Variants in NRG1 observed in about 807,000 individuals in gnomAD.
The protein encoded by NRG1 is pro-neuregulin-1, membrane-bound isoform.
In NRG1, 18 loss-of-function variants were observed where a neutral mutation model predicts 63.8. That is an observed-to-expected ratio of 0.28 (90% confidence interval 0.19 to 0.42). The LOEUF is 0.42. Among genes scored for constraint, NRG1 ranks in the 10% least tolerant of loss-of-function variants. The pLI, the probability that NRG1 is intolerant of heterozygous loss-of-function variation, is 1.00. For synonymous variants in NRG1, 302 were observed against 301.3 expected, an observed-to-expected ratio of 1.00 and a Z score of -0.02; for missense variants, 762 against 814.7, an observed-to-expected ratio of 0.94 and a Z score of 0.79.
Position 31,935,084 on chromosome 8 carries a change from A to G in NRG1, c.37+295653A>G, listed in dbSNP as rs548054478. Among the ~76,000 whole-genome samples the G allele has an allele frequency of 7.2e-5, 11 of 152,078 alleles. No individual in the cohort carries two copies. In the South Asian group the frequency reaches 1.9e-3, roughly 26 times the overall value. On this transcript the variant is annotated intron_variant, in intron 1 of 10. Coordinates refer to the NRG1 transcript ENST00000519301. ...TCCTGCCTCGGCCTCCTGAGTAGCC[A>G]GTACCACAGGTGTGTGCCACCACGC...
intron 1 of NRG1, among the ~76,000 whole-genome samples, chr8:31,985,232 G>C (rs553365370): frequency 6.6e-6 from 1 of 152,134 alleles, no homozygotes; most frequent in South Asian, 2.1e-4. Context: ...AGGTTAATAG[G>C]TAGGGGAAAT....
At chr8:31,908,503 CCAA>C (rs1382647662) in intron 1 of NRG1, among the ~76,000 whole-genome samples, 1 of 152,108 alleles carries the variant, frequency 6.6e-6, no homozygotes, top group Non-Finnish European at 1.5e-5. Context: ...GAAGCTGACA[CCAA>C]CAATACACAC....
chr8:32,090,563 TGCC>T (rs1828977003), intron 1 of NRG1, among the ~76,000 whole-genome samples: 1 of 152,120 alleles, frequency 6.6e-6, no homozygotes, highest in African/African-American at 2.4e-5. Flanking sequence ...TCAGGTGTTC[TGCC>T]GGCCTCAGCC....
At chr8:31,996,062 C>T (rs1178089537) in intron 1 of NRG1, among the ~76,000 whole-genome samples, 3 of 151,726 alleles carry the variant, frequency 2.0e-5, no homozygotes, top group Non-Finnish European at 4.4e-5. Context: ...TTCATCTCAT[C>T]AAGTATGCAG....
intron 5 of NRG1, among the ~76,000 whole-genome samples, chr8:32,703,586 T>G (rs758857704): frequency 6.6e-6 from 1 of 152,072 alleles, no homozygotes; most frequent in Non-Finnish European, 1.5e-5. Context: ...TTCACTTTCT[T>G]CTGGTCAGCA....
At chr8:32,193,391 C>T (rs914695566) in intron 1 of NRG1, among the ~76,000 whole-genome samples, 2 of 151,784 alleles carry the variant, frequency 1.3e-5, no homozygotes, top group African/African-American at 4.8e-5. Context: ...AATGGTTATT[C>T]CATCTTAATG....
intron 1 of NRG1, among the ~76,000 whole-genome samples, chr8:32,024,338 C>G (rs1254143493): frequency 6.6e-6 from 1 of 152,164 alleles, no homozygotes; most frequent in Non-Finnish European, 1.5e-5. Context: ...AAAATGAGCC[C>G]AAGCCTTGGA....
intron 6 of NRG1, among the ~76,000 whole-genome samples, chr8:32,735,601 A>C (rs1824820798): frequency 6.6e-6 from 1 of 152,178 alleles, no homozygotes; most frequent in African/African-American, 2.4e-5. Flanking sequence ...ACCAAACCAC[A>C]AATTAGCAGT....
At chr8:32,216,365 T>G (rs886717659) in intron 1 of NRG1, among the ~76,000 whole-genome samples, 2 of 149,218 alleles carry the variant, frequency 1.3e-5, no homozygotes, top group Admixed American at 6.7e-5. Flanking sequence ...TATCATTATA[T>G]TAAATTCCTA....
intron 1 of NRG1, among the ~76,000 whole-genome samples, chr8:31,935,613 T>C (rs1222671386): frequency 3.3e-5 from 5 of 152,240 alleles, no homozygotes; most frequent in African/African-American, 9.6e-5. Context: ...CATGGATTAC[T>C]GACCCAGTAT....
intron 1 of NRG1, among the ~76,000 whole-genome samples, chr8:32,271,654 G>GGT (rs771705676): frequency 1.1e-4 from 17 of 152,108 alleles, no homozygotes; most frequent in Non-Finnish European, 2.2e-4. Context: ...AAGACACACA[G>GGT]GTGTACTTAA....
At chr8:32,151,077 A>G (rs1040465331) in intron 1 of NRG1, among the ~76,000 whole-genome samples, 30 of 152,290 alleles carry the variant, frequency 2.0e-4, no homozygotes, top group African/African-American at 4.8e-4. Context: ...AGGGGTGTCT[A>G]TGAAATGGAA....
chr8:31,857,184 G>T (rs1344207809), intron 1 of NRG1, among the ~76,000 whole-genome samples: 1 of 152,222 alleles, frequency 6.6e-6, no homozygotes, highest in East Asian at 1.9e-4. Flanking sequence ...AAGCAAGCCT[G>T]GGCAATGGCG....
At position 31,640,860 on chromosome 8, in the gene NRG1, G is replaced by A. The variant is rs35648426; in HGVS notation, c.37+1429G>A. 162,467 of 1,390,314 alleles carry A rather than the reference G, an allele frequency of 0.12. 9,992 individuals carry two copies. Among genetic ancestry groups the A allele is most frequent in the Non-Finnish European group, 0.12 (132,958 of 1,075,736 alleles). The allele number at this position is 1,390,314 out of a possible 1,614,324, so 86.1% of individuals were successfully genotyped here. ...GGGTCCCAGTTGTTGGTTTCAGGGT[G>A]GTGGGTTCTCAGCGATCCTCAGAGA... On this transcript the variant is annotated intron_variant, in intron 1 of 10. Coordinates refer to the NRG1 transcript ENST00000519301. The surrounding 1 kb of genome is among the most constrained non-coding windows in gnomAD (Gnocchi z 6.3).
intron 7 of NRG1, among the ~76,000 whole-genome samples, chr8:32,747,802 G>C (rs1210439834): frequency 6.7e-6 from 1 of 149,278 alleles, no homozygotes; most frequent in Admixed American, 6.7e-5. Context: ...AGGGCAGCAA[G>C]TTTTTAAGTT....
intron 1 of NRG1, among the ~76,000 whole-genome samples, chr8:31,775,931 G>T (rs10503887): frequency 0.16 from 23,256 of 149,864 alleles, 2,428 homozygotes; most frequent in Non-Finnish European, 0.23. Flanking sequence ...ACTAGTGGGC[G>T]ATTATTGGAA....
chr8:31,968,233 A>G (rs1260612006), intron 1 of NRG1, among the ~76,000 whole-genome samples: 3 of 152,178 alleles, frequency 2.0e-5, no homozygotes, highest in African/African-American at 4.8e-5. Context: ...TTCAAATATC[A>G]TACACTGACA....
chr8:32,304,447 T>C (rs1855967472), intron 1 of NRG1, among the ~76,000 whole-genome samples: 2 of 152,166 alleles, frequency 1.3e-5, no homozygotes, highest in South Asian at 4.1e-4. Context: ...AATAGTTTGA[T>C]GAAGTTTCAA....
intron 1 of NRG1, among the ~76,000 whole-genome samples, chr8:32,024,304 C>T (rs1170436341): frequency 6.6e-6 from 1 of 152,176 alleles, no homozygotes; most frequent in Admixed American, 6.5e-5. Context: ...GCAAAGTGAG[C>T]CTTTGAGTTC....
Sources: gnomAD v4.1 joint callset for allele counts (sites outside exome capture counted in the v4.1 genomes callset) on GRCh38, gnomAD v4.1.1 for gene constraint, Gnocchi (gnomAD v3.1) non-coding constraint, MANE v1.5 for transcripts, NCBI Gene and HGNC (gene_info 2026-07-23, HGNC 2026-07-21) for gene names.